The following TPH2 variants were observed in gnomAD, a reference collection of about 807,000 sequenced individuals.
TPH2 encodes the protein tryptophan hydroxylase 2.
In TPH2, 27 loss-of-function variants were observed where a neutral mutation model predicts 59.1. The observed-to-expected ratio is 0.46, with a 90% confidence interval of 0.34 to 0.63. The LOEUF is 0.63. Among genes scored for constraint, TPH2 ranks in the 30% least tolerant of loss-of-function variants. TPH2 has a pLI of 0.01. For missense variants in TPH2, 523 were observed against 588.3 expected (o/e 0.89, Z 1.15); for synonymous variants, 220 against 210.5 (o/e 1.05, Z -0.39).
intron 7 of TPH2, among the ~76,000 whole-genome samples, chr12:71,991,661 C>T (rs1872580928): frequency 6.6e-6 from 1 of 152,112 alleles, no homozygotes; most frequent in African/African-American, 2.4e-5. Flanking sequence ...GCGGCATGAC[C>T]TTTTAAAAAA....
At chr12:71,984,610 C>T (rs1452835366) in intron 7 of TPH2, among the ~76,000 whole-genome samples, 1 of 152,154 alleles carries the variant, frequency 6.6e-6, no homozygotes. Context: ...CCTGCATGCC[C>T]ACGAGCTGTG....
chr12:71,998,735 G>A (rs893399578), intron 8 of TPH2, among the ~76,000 whole-genome samples: 6 of 152,018 alleles, frequency 3.9e-5, no homozygotes, highest in African/African-American at 1.4e-4. Flanking sequence ...AGAAATAGAG[G>A]TATTATTAGC....
chr12:71,976,818 C>T (rs1487423506), intron 6 of TPH2, among the ~76,000 whole-genome samples: 1 of 152,142 alleles, frequency 6.6e-6, no homozygotes, highest in Non-Finnish European at 1.5e-5. Context: ...GTGTGGTACT[C>T]TCCTAATGCG....
intron 8 of TPH2, among the ~76,000 whole-genome samples, chr12:72,007,255 C>G (rs920990043): frequency 6.6e-6 from 1 of 152,022 alleles, no homozygotes; most frequent in Non-Finnish European, 1.5e-5. Context: ...ACACCTCCCC[C>G]GAGCATAGAG....
chr12:72,009,572 CA>C, intron 8 of TPH2, among the ~76,000 whole-genome samples: 1 of 152,218 alleles, frequency 6.6e-6, no homozygotes. Flanking sequence ...CTCTCTTGAG[CA>C]GTGCTAGTTG....
At position 72,026,380 on chromosome 12, in the gene TPH2, G is replaced by T. The variant is rs144557271; in HGVS notation, c.1164+3886G>T. On this transcript the variant is annotated intron_variant, in intron 9 of 10. Transcript: ENST00000333850. ...AAATTTATTGTGTTGCCTTGATATA[G>T]CTATTATCAAGCTTGAATGGCTATT... Among the ~76,000 whole-genome samples, 776 of 152,248 alleles carry T rather than the reference G, an allele frequency of 5.1e-3. 8 individuals are homozygous for T. Among genetic ancestry groups the T allele is most frequent in the African/African-American group, 0.017 (727 of 41,554 alleles).
intron 6 of TPH2, among the ~76,000 whole-genome samples, chr12:71,978,593 T>C (rs955519737): frequency 1.3e-5 from 2 of 152,202 alleles, no homozygotes; most frequent in Non-Finnish European, 2.9e-5. Flanking sequence ...CCTAGGTATG[T>C]CTCTTAGAAA....
chr12:72,029,693 C>T (rs891777254), intron 9 of TPH2, among the ~76,000 whole-genome samples: 10 of 152,234 alleles, frequency 6.6e-5, no homozygotes, highest in East Asian at 5.8e-4. Context: ...AATGAGTTCA[C>T]GCTGAGAGGC....
intron 8 of TPH2, among the ~76,000 whole-genome samples, chr12:72,015,123 TAGC>T (rs1873205576): frequency 6.6e-6 from 1 of 152,016 alleles, no homozygotes; most frequent in African/African-American, 2.4e-5. Flanking sequence ...CCAACTCTAG[TAGC>T]TAGGGTAGGT....
At chr12:72,015,383 G>T (rs58016821) in intron 8 of TPH2, among the ~76,000 whole-genome samples, 6,030 of 145,128 alleles carry the variant, frequency 0.042, 220 homozygotes, top group East Asian at 0.15. Flanking sequence ...GCAGTGGTGC[G>T]ATCTTGGTTC....
intron 5 of TPH2, among the ~76,000 whole-genome samples, chr12:71,956,214 C>G (rs1354322953): frequency 6.6e-6 from 1 of 152,200 alleles, no homozygotes; most frequent in Non-Finnish European, 1.5e-5. Context: ...AAGGCAGAAT[C>G]TATAATGCCT....
At chr12:71,949,084 C>G (rs1475666149) in intron 4 of TPH2, among the ~76,000 whole-genome samples, 1 of 152,172 alleles carries the variant, frequency 6.6e-6, no homozygotes, top group Non-Finnish European at 1.5e-5. Context: ...TCATAAAATA[C>G]AGCAAAACCT....
At chr12:71,953,040 C>T (rs1871393751) in intron 5 of TPH2, among the ~76,000 whole-genome samples, 1 of 152,076 alleles carries the variant, frequency 6.6e-6, no homozygotes, top group African/African-American at 2.4e-5. Context: ...TTGGAAGAAA[C>T]TGTTTAGTTT....
intron 7 of TPH2, among the ~76,000 whole-genome samples, chr12:71,980,332 T>C (rs77282110): frequency 0.014 from 2,207 of 152,214 alleles, 32 homozygotes; most frequent in African/African-American, 0.05. Context: ...TTGTGGTTAA[T>C]GGGTTGCCAT....
chr12:71,978,811 A>G (rs919675725), intron 6 of TPH2, 141 bp from the exon 7 acceptor site: 1 of 1,007,952 alleles, frequency 9.9e-7, no homozygotes, highest in Non-Finnish European at 1.6e-6. Flanking sequence ...TGTTAACAGT[A>G]TATGTCACTC....
chr12:71,977,325 G>A (rs537186369), intron 6 of TPH2, among the ~76,000 whole-genome samples: 1 of 152,030 alleles, frequency 6.6e-6, no homozygotes, highest in South Asian at 2.1e-4. Flanking sequence ...CTAAAGTACT[G>A]GTATTACAGG....
At chr12:71,959,062 ATTT>A (rs34121208) in intron 5 of TPH2, among the ~76,000 whole-genome samples, 1 of 146,652 alleles carries the variant, frequency 6.8e-6, no homozygotes, top group Non-Finnish European at 1.5e-5. Context: ...AGAGAAGGGC[ATTT>A]TTTTTTTTTT....
chr12:71,951,428 G>T (rs1592862644), intron 5 of TPH2, among the ~76,000 whole-genome samples: 1 of 152,166 alleles, frequency 6.6e-6, no homozygotes, highest in African/African-American at 2.4e-5. Flanking sequence ...TTTTCCCTTA[G>T]ATAAAGTAGA....
At chr12:71,950,600 A>G (rs1871318928) in intron 5 of TPH2, among the ~76,000 whole-genome samples, 1 of 152,200 alleles carries the variant, frequency 6.6e-6, no homozygotes, top group African/African-American at 2.4e-5. Context: ...TATAACTCAT[A>G]GATCATCACA....
Sources: allele counts gnomAD v4.1 joint callset (sites outside exome capture counted in the v4.1 genomes callset), GRCh38; gene constraint gnomAD v4.1.1; transcripts MANE v1.5; gene names NCBI Gene and HGNC (gene_info 2026-07-23, HGNC 2026-07-21).